The following SMIM45 variants were observed in gnomAD, a reference collection of about 807,000 sequenced individuals.
SMIM45 encodes long intergenic non-protein coding RNA 634.
the SMIM45 span, among the ~76,000 whole-genome samples, chr22:41,955,919 A>G: frequency 6.6e-6 from 1 of 152,162 alleles, no homozygotes; most frequent in Non-Finnish European, 1.5e-5. Context: ...CTTACTATGT[A>G]GCACTTGTTA....
chr22:41,953,621 G>A, the SMIM45 span, among the ~76,000 whole-genome samples: 6 of 152,276 alleles, frequency 3.9e-5, no homozygotes, highest in Admixed American at 3.9e-4. Flanking sequence ...TACCTGCCGG[G>A]CAGGCAGAGG....
chr22:41,949,840 T>C, the SMIM45 span, among the ~76,000 whole-genome samples: 10 of 152,132 alleles, frequency 6.6e-5, no homozygotes, highest in African/African-American at 2.4e-4. Context: ...GCGGTGATCA[T>C]TGGCTGAACA....
chr22:41,952,287 C>T, the SMIM45 span: 1 of 152,524 alleles, frequency 6.6e-6, no homozygotes, highest in Non-Finnish European at 1.5e-5. Context: ...GCCTCCAGCA[C>T]CCAGGGCGGC....
chr22:41,958,090 G>GC, the SMIM45 span: 1 of 329,400 alleles, frequency 3.0e-6, no homozygotes, highest in Middle Eastern at 1.0e-3. Flanking sequence ...TGCCTGGCTG[G>GC]CCCAGGGCTT....
the SMIM45 span, chr22:41,947,095 C>G: frequency 1.2e-6 from 2 of 1,611,926 alleles, no homozygotes; most frequent in Non-Finnish European, 1.7e-6. Context: ...CAGGACCAAC[C>G]GTTGCTCCTG....
the SMIM45 span, chr22:41,958,483 G>GGAGA: frequency 0.25 from 86,593 of 351,236 alleles, 6,265 homozygotes; most frequent in Non-Finnish European, 0.27. Flanking sequence ...GGGTTGGTGA[G>GGAGA]GAGAGAGAGA....
At chr22:41,947,286 C>T in the SMIM45 span, 18 of 588,326 alleles carry the variant, frequency 3.1e-5, no homozygotes, top group Admixed American at 5.3e-4. Context: ...GGTGGACAGG[C>T]CTTTGGTTCC....
the SMIM45 span, among the ~76,000 whole-genome samples, chr22:41,954,733 C>T: frequency 6.6e-6 from 1 of 151,976 alleles, no homozygotes; most frequent in Non-Finnish European, 1.5e-5. Context: ...GTGGGCCGAG[C>T]ACGGTGGCTC....
At chr22:41,952,037 A>T in the SMIM45 span, 1 of 152,450 alleles carries the variant, frequency 6.6e-6, no homozygotes, top group African/African-American at 2.4e-5. Flanking sequence ...TCCAGAAGAG[A>T]AGGCTGGTTG....
chr22:41,947,156 G>A, the SMIM45 span: 1 of 1,393,572 alleles, frequency 7.2e-7, no homozygotes, highest in Admixed American at 1.8e-5. Flanking sequence ...CTAGAGCGCG[G>A]CCTGGGGGCA....
At chr22:41,947,255 A>C in the SMIM45 span, 20 of 608,866 alleles carry the variant, frequency 3.3e-5, no homozygotes, top group Admixed American at 1.9e-4. Context: ...GGGGCGTTCC[A>C]GCGCTACCCG....
the SMIM45 span, among the ~76,000 whole-genome samples, chr22:41,952,672 G>A: frequency 1.3e-5 from 2 of 152,194 alleles, no homozygotes; most frequent in Non-Finnish European, 2.9e-5. Flanking sequence ...TTCCACCTAG[G>A]TCAGTTCCCT....
At chr22:41,955,720 G>T in the SMIM45 span, among the ~76,000 whole-genome samples, 5 of 151,332 alleles carry the variant, frequency 3.3e-5, no homozygotes, top group African/African-American at 9.7e-5. Flanking sequence ...GCAGGAGAAT[G>T]GTGTGAACCT....
the SMIM45 span, chr22:41,958,175 C>G: frequency 2.6e-6 from 1 of 379,934 alleles, no homozygotes; most frequent in South Asian, 1.9e-5. Context: ...GGCCCCAGTG[C>G]CTTTGCGCTG....
chr22:41,956,071 G>A, the SMIM45 span, among the ~76,000 whole-genome samples: 65 of 151,200 alleles, frequency 4.3e-4, 1 homozygote, highest in Non-Finnish European at 7.7e-4. Context: ...GTGCAGTGGC[G>A]GGATCACAGC....
chr22:41,949,529 G>A, the SMIM45 span, among the ~76,000 whole-genome samples: 4 of 152,234 alleles, frequency 2.6e-5, no homozygotes, highest in Non-Finnish European at 4.4e-5. Flanking sequence ...GTGAGGCCAC[G>A]GAGGTGATTG....
chr22:41,956,302 C>T, the SMIM45 span, among the ~76,000 whole-genome samples: 3 of 152,208 alleles, frequency 2.0e-5, no homozygotes, highest in Admixed American at 6.5e-5. Flanking sequence ...TGAGCCACCA[C>T]GTCCAGCCCC....
At chr22:41,958,700 C>CA in the SMIM45 span, 2 of 234,838 alleles carry the variant, frequency 8.5e-6, no homozygotes, top group African/African-American at 4.5e-5. Context: ...AAGACTGTGG[C>CA]AGCAGGCAGG....
chr22:41,954,645 G>C, the SMIM45 span, among the ~76,000 whole-genome samples: 1 of 152,240 alleles, frequency 6.6e-6, no homozygotes, highest in Non-Finnish European at 1.5e-5. Flanking sequence ...CCATGTGACC[G>C]CACATAGTGT....
Sources: allele counts gnomAD v4.1 joint callset (sites outside exome capture counted in the v4.1 genomes callset), GRCh38; gene constraint gnomAD v4.1.1; transcripts MANE v1.5; gene names NCBI Gene and HGNC (gene_info 2026-07-23, HGNC 2026-07-21).